Variants in USP6 observed in about 807,000 individuals in gnomAD.
USP6 encodes the protein ubiquitin carboxyl-terminal hydrolase 6.
USP6 carries 128 observed loss-of-function variants against 175.7 expected under a neutral mutation model. The observed-to-expected ratio is 0.73, with a 90% confidence interval of 0.63 to 0.84. USP6 has a LOEUF of 0.84. Ranked by LOEUF, USP6 falls within the 40% of genes least tolerant of loss-of-function variation. The pLI is 0.00. For synonymous variants in USP6, 562 were observed against 630.6 expected (o/e 0.89, Z 1.63); for missense variants, 1,498 against 1,760.3 (o/e 0.85, Z 2.67).
intron 14 of USP6, 80 bp downstream of exon 14, chr17:5,133,630 A>G: frequency 1.6e-6 from 1 of 639,436 alleles, no homozygotes. Flanking sequence ...CGTCAAGCCC[A>G]CCCTGGGGTG....
chr17:5,120,774 T>C lies in USP6; in HGVS notation c.-1689T>C. ...GAAGAGCTACAAGGATGCCAAGGGC[T>C]GTTTCTTCAGCATGGTGGGTGGCCA... On this transcript the variant is annotated 5_prime_UTR_variant, in exon 3 of 38. Coordinates refer to ENST00000574788, the MANE Select transcript of USP6 (RefSeq NM_001304284.2). 2.2e-6 allele frequency: 1 copy of C among 446,796 alleles called. No individual in the cohort carries two copies. The highest frequency in any genetic ancestry group is 4.5e-6 in the Non-Finnish European group (1 of 222,668). The allele number at this position is 446,796 out of a possible 1,614,324, so 27.7% of individuals were successfully genotyped here. A position where few individuals can be genotyped will look rare whatever the true frequency, so the allele number is the denominator to read the frequency against.
At position 5,168,110 on chromosome 17, in the gene USP6, T is replaced by C; in HGVS notation, c.3215T>C (p.Leu1072Pro). 3 of 1,607,460 alleles carry C rather than the reference T, an allele frequency of 1.9e-6. No individual in the cohort carries two copies. The highest frequency in any genetic ancestry group is 2.6e-6 in the Non-Finnish European group (3 of 1,176,138). The change falls in exon 34 of 38, where the codon CTT (leucine) becomes CCT (proline). Residue 1072 changes from leucine (L) to proline (P), a missense_variant. Leu to Pro is a moderately conservative substitution (Grantham distance 98). Around this residue, in one of 2 missense-constraint regions of USP6, gnomAD observed 1,217 missense variants for 1,500.8 expected, o/e 0.81. Transcript: ENST00000574788. ...ACAAAGAAGCTGGATCTCTGGAGGC[T>C]TCCACCCTTCCTGGTATGTTACGGT... The part of the protein sequence containing the change: ...LATKKLDLWR[L>P]PPFLIIHLKR...
In USP6 at chr17:5,170,591, C is replaced by A; in HGVS notation, c.3630C>A (p.Pro1210=). 2 of 1,612,714 alleles carry A rather than the reference C, an allele frequency of 1.2e-6. No homozygotes were observed. The highest frequency in any genetic ancestry group is 1.7e-6 in the Non-Finnish European group (2 of 1,179,858). Residue 1210 remains proline (P), a synonymous_variant, in exon 36 of 38, where the codon CCC becomes CCA. Coordinates refer to ENST00000574788, the MANE Select transcript of USP6 (RefSeq NM_001304284.2). Reference sequence around the variant, plus strand: ...GGAGCAAAGGGAGGCTCCGGCTGCCCCAGATTGGCAGCAAAAATAAGCCGT... The same window carrying A: ...GGAGCAAAGGGAGGCTCCGGCTGCCACAGATTGGCAGCAAAAATAAGCCGT... ...LGRSKGRLRL[P]QIGSKNKPSS...
At chr17:5,165,717 A>T (rs1480236628) in intron 33 of USP6, among the ~76,000 whole-genome samples, 2 of 152,240 alleles carry the variant, frequency 1.3e-5, no homozygotes, top group East Asian at 3.8e-4. Context: ...ATGAGCTTTA[A>T]AGCAACTCTG....
At chr17:5,133,294 G>A in intron 13 of USP6, 149 bp from the exon 14 acceptor site, 1 of 942,896 alleles carries the variant, frequency 1.1e-6, no homozygotes, top group Non-Finnish European at 1.6e-6. Flanking sequence ...CACTCTTTCA[G>A]TCCTGGGAAG....
rs1211505673 is a variant in USP6, at chr17:5,133,768, A to G, written c.385-119A>G. 51 of 1,276,616 alleles carry G rather than the reference A, an allele frequency of 4.0e-5. No homozygotes were observed. In the Middle Eastern group the frequency reaches 9.3e-4, roughly 23 times the overall value. 79.1% of individuals were successfully genotyped at this position (1,276,616 alleles called of 1,614,324 possible). On this transcript the variant is annotated intron_variant, in intron 14 of 37. Coordinates refer to ENST00000574788, the MANE Select transcript of USP6 (RefSeq NM_001304284.2). ...AAGCCAAAAAGCAGCTTTCTGCAGA[A>G]GGAAACCTTCCTTCTTTCCTTCCTT... is the stretch of plus-strand genomic sequence containing the variant.
chr17:5,138,089 C>T (rs1358732859), intron 20 of USP6, 32 bp from the exon 21 acceptor site: 8 of 1,613,730 alleles, frequency 5.0e-6, no homozygotes, highest in Non-Finnish European at 5.9e-6. Context: ...TCCCAGGGAA[C>T]TCTCCTGGCC....
chr17:5,154,728 C>CG (rs2073845514), intron 30 of USP6, among the ~76,000 whole-genome samples: 1 of 151,184 alleles, frequency 6.6e-6, no homozygotes, highest in Non-Finnish European at 1.5e-5. Context: ...TTTTTCCCCC[C>CG]ACTGGCATCT....
intron 17 of USP6, 68 bp downstream of exon 17, chr17:5,135,996 C>A: frequency 6.9e-6 from 11 of 1,595,140 alleles, no homozygotes; most frequent in Non-Finnish European, 9.3e-6. Context: ...GCCAGGTGAT[C>A]TCGGCTTTCA....
At chr17:5,129,529 T>C (rs2072995071) in intron 8 of USP6, 2 of 152,386 alleles carry the variant, frequency 1.3e-5, no homozygotes, top group African/African-American at 4.8e-5. Flanking sequence ...TATCTTCCCT[T>C]GTGTTCAAAG....
chr17:5,159,963 CA>C (rs34643191), intron 31 of USP6, among the ~76,000 whole-genome samples: 49,269 of 108,512 alleles, frequency 0.45, 8,998 homozygotes, highest in East Asian at 0.65. Flanking sequence ...TACCCCGTCT[CA>C]AAAAAAAAAA....
rs182098269 is a variant in USP6 at position 5,169,293 on chromosome 17, G to A, written c.3517+238G>A. On this transcript the variant is annotated intron_variant, in intron 35 of 37. Transcript: ENST00000574788. ...TTACAGAGTTGAGAGTTTGACACAT[G>A]GAGAGTAAAGCACTTCACACAGTGC... Among the ~76,000 whole-genome samples the A allele has an allele frequency of 1.9e-3, 292 of 152,296 alleles. 1 individual carries two copies. The highest frequency in any genetic ancestry group is 6.8e-3 in the African/African-American group (281 of 41,554).
chr17:5,130,846 G>T (rs1280784315), intron 11 of USP6, among the ~76,000 whole-genome samples, 162 bp downstream of exon 11: 1 of 152,196 alleles, frequency 6.6e-6, no homozygotes, highest in Admixed American at 6.5e-5. Context: ...TGCAGGTCCA[G>T]CCCGAGGTTG....
At position 5,139,540 on chromosome 17, in the gene USP6, C is replaced by T; in HGVS notation, c.1364C>T (p.Pro455Leu). Residue 455 changes from proline (P) to leucine (L), a missense_variant, in exon 22 of 38, where the codon CCC becomes CTC. This residue lies in a region of USP6 where 1,217 missense variants were observed against 1,500.8 expected (regional missense o/e 0.81). Coordinates refer to ENST00000574788, the MANE Select transcript of USP6 (RefSeq NM_001304284.2). ...AGATTCCTGGAGTGGAAGTCAATGC[C>T]CCGGCTCCCAACGGACCTGGATATA... is the stretch of plus-strand genomic sequence containing the variant. ...SWRFLEWKSM[P>L]RLPTDLDIGG... The T allele has an allele frequency of 8.1e-6, 13 of 1,613,858 alleles. No homozygotes were observed. The highest frequency in any genetic ancestry group is 1.1e-5 in the South Asian group (1 of 91,080).
At chr17:5,152,305 T>G (rs893961598) in intron 30 of USP6, among the ~76,000 whole-genome samples, 2 of 151,790 alleles carry the variant, frequency 1.3e-5, no homozygotes, top group African/African-American at 4.8e-5. Flanking sequence ...AAAACAATAT[T>G]ATGATATCAG....
chr17:5,140,984 C>T (rs754442557), intron 22 of USP6, among the ~76,000 whole-genome samples: 1 of 152,194 alleles, frequency 6.6e-6, no homozygotes, highest in Non-Finnish European at 1.5e-5. Flanking sequence ...CTCACTCTGT[C>T]ACCAAGGATG....
rs1224785541 is a variant in USP6, at chr17:5,145,577, C to T, written c.2165C>T (p.Thr722Ile). 6.3e-7 allele frequency: 1 copy of T among 1,577,346 alleles called. No individual in the cohort carries two copies. The highest frequency in any genetic ancestry group is 8.6e-7 in the Non-Finnish European group (1 of 1,163,586). The change falls in exon 27 of 38, where the codon ACA (threonine) becomes ATA (isoleucine). Residue 722 changes from threonine to isoleucine, a missense_variant and splice_region_variant. Coordinates refer to ENST00000574788, the MANE Select transcript of USP6 (RefSeq NM_001304284.2). The stretch of plus-strand genomic sequence containing the variant: ...GACAGTTACATGGACTTAGAAATAA[C>T]AGGTAGGTCACAAAGTTCTGAAAAA... Reference protein sequence around the residue: ...PMDSYMDLEITVIKLDGTTPV... With the variant: ...PMDSYMDLEIIVIKLDGTTPV...
At position 5,173,336 on chromosome 17, in the gene USP6, G is replaced by T. The variant is rs1208636000; in HGVS notation, c.*358G>T. ...ATAACAAATATTAAAGATTTCCTTG[G>T]AGTCAGAGGAAAAAACAAACAATTA... On this transcript the variant is annotated 3_prime_UTR_variant, in exon 38 of 38. Coordinates refer to ENST00000574788, the MANE Select transcript of USP6 (RefSeq NM_001304284.2). 4.2e-6 allele frequency: 1 copy of T among 237,230 alleles called. No homozygotes were observed. Among genetic ancestry groups the T allele is most frequent in the Non-Finnish European group, 8.3e-6 (1 of 120,940 alleles). The allele number at this position is 237,230 out of a possible 1,614,324, so 14.7% of individuals were successfully genotyped here. A position where few individuals can be genotyped will look rare whatever the true frequency, so the allele number is the denominator to read the frequency against.
chr17:5,119,922 G>A (rs2072614403), intron 2 of USP6, among the ~76,000 whole-genome samples: 1 of 152,084 alleles, frequency 6.6e-6, no homozygotes, highest in Admixed American at 6.6e-5. Flanking sequence ...TGTCGGACTT[G>A]TATCCACCCC....
Sources: gnomAD v4.1 joint callset for allele counts (sites outside exome capture counted in the v4.1 genomes callset) on GRCh38, gnomAD v4.1.1 for gene constraint, gnomAD v4.1.1 regional missense constraint, MANE v1.5 for transcripts, NCBI Gene and HGNC (gene_info 2026-07-23, HGNC 2026-07-21) for gene names.